PRDM5: variants seen among roughly 807,000 people sequenced by gnomAD.
PRDM5 encodes the protein PR domain zinc finger protein 5.
In PRDM5, 56 loss-of-function variants were observed where a neutral mutation model predicts 81.2. The observed-to-expected ratio is 0.69, with a 90% CI of 0.56 to 0.86. The LOEUF (loss-of-function observed/expected upper bound fraction) is 0.86, where lower values mean the gene tolerates loss of function less well. PRDM5 is among the 40% of genes least tolerant of loss of function. The pLI is 0.00. For missense variants in PRDM5, 697 were observed against 770.1 expected, an observed-to-expected ratio of 0.91 and a Z score of 1.12; for synonymous variants, 267 against 256.4, an observed-to-expected ratio of 1.04 and a Z score of -0.39.
At chr4:120,793,287 C>T (rs1750850945) in intron 10 of PRDM5, among the ~76,000 whole-genome samples, 1 of 152,052 alleles carries the variant, frequency 6.6e-6, no homozygotes, top group Non-Finnish European at 1.5e-5. Context: ...GAATCTAATG[C>T]CTGATGATCT....
intron 15 of PRDM5, among the ~76,000 whole-genome samples, chr4:120,708,171 C>G (rs1361646994): frequency 1.3e-5 from 2 of 152,088 alleles, no homozygotes; most frequent in Non-Finnish European, 2.9e-5. Context: ...TAATTGAAAA[C>G]AGGTACTCAA....
chr4:120,694,815 A>G lies in PRDM5; in HGVS notation c.*296T>C, dbSNP rs1734334845. 1 of 387,826 alleles carries G rather than the reference A, an allele frequency of 2.6e-6. No individual in the cohort carries two copies. Among genetic ancestry groups the G allele is most frequent in the South Asian group, 2.5e-5 (1 of 39,438 alleles). The allele number at this position is 387,826 out of a possible 1,614,324, so 24.0% of individuals were successfully genotyped here. ...GGAAGTATATTATAAACTTCATTACAGAGGGATGGCCAAGAAAGAGAGCCA... is the reference window on the plus strand; with the variant it reads ...GGAAGTATATTATAAACTTCATTACGGAGGGATGGCCAAGAAAGAGAGCCA... On this transcript the variant is annotated 3_prime_UTR_variant, in exon 16 of 16. Coordinates refer to ENST00000264808, the MANE Select transcript of PRDM5 (RefSeq NM_018699.4).
chr4:120,733,827 C>A (rs1740625076), intron 14 of PRDM5, among the ~76,000 whole-genome samples: 1 of 148,590 alleles, frequency 6.7e-6, no homozygotes, highest in Admixed American at 6.7e-5. Context: ...TGTGGAAAGA[C>A]TGAATGAATA....
intron 14 of PRDM5, among the ~76,000 whole-genome samples, chr4:120,746,721 A>C (rs1743128881): frequency 6.8e-6 from 1 of 147,762 alleles, no homozygotes. Context: ...ATGCAAATCA[A>C]AACCACAATG....
chr4:120,861,100 T>C (rs1275062661), intron 2 of PRDM5, among the ~76,000 whole-genome samples: 2 of 152,172 alleles, frequency 1.3e-5, no homozygotes, highest in Non-Finnish European at 2.9e-5. Flanking sequence ...CTGTGTCTCC[T>C]GGATTCAAGC....
chr4:120,782,473 A>G (rs1467601597), intron 11 of PRDM5, among the ~76,000 whole-genome samples: 1 of 152,090 alleles, frequency 6.6e-6, no homozygotes, highest in Admixed American at 6.6e-5. Flanking sequence ...GAGGGACAAA[A>G]AGAAGGAGAA....
At chr4:120,784,743 A>G (rs1481658392) in intron 11 of PRDM5, among the ~76,000 whole-genome samples, 1 of 152,180 alleles carries the variant, frequency 6.6e-6, no homozygotes, top group Non-Finnish European at 1.5e-5. Flanking sequence ...ATGCTTTTAT[A>G]TAGAAACTTT....
chr4:120,839,647 G>T (rs1308981133), intron 3 of PRDM5, among the ~76,000 whole-genome samples: 7 of 152,192 alleles, frequency 4.6e-5, no homozygotes, highest in Non-Finnish European at 1.0e-4. Flanking sequence ...TGGTCGACCG[G>T]ACTGTCAGCC....
chr4:120,798,514 G>A (rs921424063), intron 9 of PRDM5, 90 bp from the exon 10 acceptor site: 71 of 1,216,976 alleles, frequency 5.8e-5, no homozygotes, highest in African/African-American at 1.4e-4. Context: ...TACTTCTTAC[G>A]GTAAGAAAAC....
intron 2 of PRDM5, among the ~76,000 whole-genome samples, chr4:120,888,988 A>T (rs1014580222): frequency 6.6e-6 from 1 of 151,926 alleles, no homozygotes; most frequent in Non-Finnish European, 1.5e-5. Context: ...CTTTTTTCAG[A>T]AATGTATTAC....
chr4:120,781,411 T>C, intron 11 of PRDM5, 108 bp from the exon 12 acceptor site: 1 of 951,482 alleles, frequency 1.1e-6, no homozygotes. Flanking sequence ...TTTGTAGCTC[T>C]AAGAATGTTA....
chr4:120,832,801 A>T (rs1433147627), intron 3 of PRDM5, among the ~76,000 whole-genome samples: 1 of 152,174 alleles, frequency 6.6e-6, no homozygotes, highest in South Asian at 2.1e-4. Context: ...TTCTCAACAA[A>T]TTCTTAAGAA....
chr4:120,722,680 G>A (rs1738804309), intron 14 of PRDM5, among the ~76,000 whole-genome samples: 1 of 152,134 alleles, frequency 6.6e-6, no homozygotes, highest in African/African-American at 2.4e-5. Flanking sequence ...GGACTGATGG[G>A]CTAAACCAAT....
At chr4:120,810,110 T>A (rs1448278164) in intron 8 of PRDM5, among the ~76,000 whole-genome samples, 1 of 152,174 alleles carries the variant, frequency 6.6e-6, no homozygotes. Context: ...TGTGCTTGAA[T>A]CATCCTAAAA....
At chr4:120,749,222 C>G (rs1470292639) in intron 14 of PRDM5, among the ~76,000 whole-genome samples, 1 of 151,400 alleles carries the variant, frequency 6.6e-6, no homozygotes, top group African/African-American at 2.4e-5. Context: ...AAAAATGGAA[C>G]ACAGAATAGT....
intron 2 of PRDM5, among the ~76,000 whole-genome samples, chr4:120,892,148 T>G (rs1334288046): frequency 6.6e-6 from 1 of 152,224 alleles, no homozygotes; most frequent in East Asian, 1.9e-4. Flanking sequence ...TAATTTCTAC[T>G]TGCATCGCAC....
At chr4:120,802,208 T>C (rs1752209065) in intron 8 of PRDM5, among the ~76,000 whole-genome samples, 1 of 152,224 alleles carries the variant, frequency 6.6e-6, no homozygotes. Context: ...GACTATCTCA[T>C]TTATAGTGAA....
chr4:120,695,001 T>G lies in PRDM5; in HGVS notation c.*110A>C. On this transcript the variant is annotated 3_prime_UTR_variant, in exon 16 of 16. Coordinates refer to ENST00000264808, the MANE Select transcript of PRDM5 (RefSeq NM_018699.4). Reference sequence around the variant, plus strand: ...TCTAAATGTAGGCAAATAAGAACTATGAGACCAGTAAGTCACTTTTGGCTA... The same window carrying G: ...TCTAAATGTAGGCAAATAAGAACTAGGAGACCAGTAAGTCACTTTTGGCTA... 3.9e-6 allele frequency: 5 copies of G among 1,276,766 alleles called. No individual in the cohort carries two copies. Among genetic ancestry groups the G allele is most frequent in the Non-Finnish European group, 5.7e-6 (5 of 881,184 alleles). 79.1% of individuals were successfully genotyped at this position (1,276,766 alleles called of 1,614,324 possible).
intron 1 of PRDM5, among the ~76,000 whole-genome samples, chr4:120,686,181 C>T (rs1166859055): frequency 1.3e-5 from 2 of 151,958 alleles, no homozygotes; most frequent in African/African-American, 4.8e-5. Context: ...CCTGTATATC[C>T]TGCATAACTG....
Sources: gnomAD v4.1 joint callset for allele counts (sites outside exome capture counted in the v4.1 genomes callset) on GRCh38, gnomAD v4.1.1 for gene constraint, MANE v1.5 for transcripts, NCBI Gene and HGNC (gene_info 2026-07-23, HGNC 2026-07-21) for gene names.